The following NAV2 variants were observed in gnomAD, a reference collection of about 807,000 sequenced individuals.
NAV2 encodes neuron navigator 2.
Under a neutral mutation model 223.2 loss-of-function variants are expected in NAV2, and 54 were observed. The observed-to-expected ratio is 0.24, with a 90% CI of 0.19 to 0.30. The LOEUF (loss-of-function observed/expected upper bound fraction) is 0.30, where lower values mean the gene tolerates loss of function less well. NAV2 is among the 10% of genes least tolerant of loss of function. The pLI is 1.00. For missense variants in NAV2, 2,806 were observed against 3,147.5 expected (o/e 0.89, Z 2.60); for synonymous variants, 1,279 against 1,239.3 (o/e 1.03, Z -0.67).
intron 1 of NAV2, among the ~76,000 whole-genome samples, chr11:19,376,958 A>C (rs942286932): frequency 6.6e-6 from 1 of 152,224 alleles, no homozygotes; most frequent in Admixed American, 6.5e-5. Flanking sequence ...TCAGTTGTCA[A>C]GAAAGTAGTA....
At chr11:19,869,934 C>T (rs79988378) in intron 4 of NAV2, among the ~76,000 whole-genome samples, 70 of 152,276 alleles carry the variant, frequency 4.6e-4, no homozygotes, top group African/African-American at 1.5e-3. Flanking sequence ...CTCTGCTACA[C>T]GGTGAAAGCT....
chr11:20,118,221 A>G lies in NAV2; in HGVS notation c.7253A>G (p.Asp2418Gly), dbSNP rs2063294789. 6.2e-7 allele frequency: 1 copy of G among 1,614,008 alleles called. No homozygotes were observed. The highest frequency in any genetic ancestry group is 2.2e-5 in the East Asian group (1 of 44,856). Residue 2418 changes from aspartate to glycine, a missense_variant, in exon 38 of 38, where the codon GAT becomes GGT. Physicochemically the swap from Asp to Gly is moderately conservative, Grantham distance 94. This residue lies in a region of NAV2 where 824 missense variants were observed against 1,069.4 expected (regional missense o/e 0.77). Transcript: ENST00000349880. ...DSDSNSNSHH[D>G]DILDSSLEST... is the part of the protein sequence containing the mutation. ...GACTCCAACAGCAACAGCCATCACG[A>G]TGACATCTTGGACTCCTCTTTGGAG...
chr11:19,397,498 A>G (rs1372080126), intron 1 of NAV2, among the ~76,000 whole-genome samples: 1 of 151,938 alleles, frequency 6.6e-6, no homozygotes, highest in African/African-American at 2.4e-5. Context: ...TAGCTTATCA[A>G]ACTGTCACAG....
At chr11:20,024,625 G>A (rs35645523) in intron 11 of NAV2, among the ~76,000 whole-genome samples, 20,855 of 152,228 alleles carry the variant, frequency 0.14, 2,093 homozygotes, top group African/African-American at 0.29. Context: ...AGGTCCCTTC[G>A]CTTTCCTCTT....
At chr11:19,767,499 A>G (rs1284439426) in intron 1 of NAV2, among the ~76,000 whole-genome samples, 2 of 152,244 alleles carry the variant, frequency 1.3e-5, no homozygotes, top group African/African-American at 4.8e-5. Context: ...ATGAGAGAAT[A>G]ATGAAAGTCC....
At chr11:19,515,051 G>A (rs528980904) in intron 1 of NAV2, among the ~76,000 whole-genome samples, 3 of 152,278 alleles carry the variant, frequency 2.0e-5, no homozygotes, top group South Asian at 2.1e-4. Context: ...TTTGGGTACC[G>A]GCTCTGAATA....
intron 1 of NAV2, among the ~76,000 whole-genome samples, chr11:19,755,031 C>T (rs958251657): frequency 2.6e-5 from 4 of 152,150 alleles, no homozygotes; most frequent in Non-Finnish European, 5.9e-5. Flanking sequence ...TTGTGTTAAT[C>T]GACAGGATCA....
Position 19,476,114 on chromosome 11 carries a change from A to G in NAV2, c.75+125087A>G, listed in dbSNP as rs189090192. ...CTCAGCCTCCCGAGTAGCTGGGACT[A>G]CAGGCACGCGCCACCATGTCCAGCT... On this transcript the variant is annotated intron_variant, in intron 1 of 37. Transcript: ENST00000360655. Among the ~76,000 whole-genome samples, 519 of 152,288 alleles carry G rather than the reference A, an allele frequency of 3.4e-3. 5 individuals are homozygous for G. Among genetic ancestry groups the G allele is most frequent in the Middle Eastern group, 0.027 (8 of 294 alleles).
intron 1 of NAV2, among the ~76,000 whole-genome samples, chr11:19,817,455 G>C (rs2059146613): frequency 6.6e-6 from 1 of 152,178 alleles, no homozygotes; most frequent in Non-Finnish European, 1.5e-5. Flanking sequence ...CCCCAAGTCA[G>C]GCAGAGACAG....
chr11:19,791,347 C>T (rs1002245520), intron 1 of NAV2, among the ~76,000 whole-genome samples: 4 of 152,172 alleles, frequency 2.6e-5, no homozygotes, highest in African/African-American at 4.8e-5. Context: ...CTATCCAGCC[C>T]GCCCCTTGTA....
intron 1 of NAV2, among the ~76,000 whole-genome samples, chr11:19,614,475 A>G (rs1386324124): frequency 1.3e-5 from 2 of 150,844 alleles, no homozygotes; most frequent in African/African-American, 5.0e-5. Context: ...GAGCAGAAGT[A>G]CAGAGAATTC....
intron 11 of NAV2, among the ~76,000 whole-genome samples, chr11:20,020,775 C>G (rs2054434586): frequency 6.6e-6 from 1 of 152,166 alleles, no homozygotes; most frequent in African/African-American, 2.4e-5. Context: ...CTCTCTCCCT[C>G]AGAGTAAAAG....
chr11:19,666,568 T>C (rs1003446533), intron 1 of NAV2, among the ~76,000 whole-genome samples: 3 of 152,152 alleles, frequency 2.0e-5, no homozygotes, highest in African/African-American at 7.2e-5. Context: ...CCCAGACAGA[T>C]TGTGGAGCTT....
intron 1 of NAV2, among the ~76,000 whole-genome samples, chr11:19,621,678 C>G (rs1359052727): frequency 6.6e-6 from 1 of 151,992 alleles, no homozygotes; most frequent in Non-Finnish European, 1.5e-5. Flanking sequence ...AGCGGTCTAT[C>G]AATTTTGTTG....
intron 11 of NAV2, among the ~76,000 whole-genome samples, chr11:20,032,377 A>G (rs949768804): frequency 6.6e-6 from 1 of 152,320 alleles, no homozygotes; most frequent in Admixed American, 6.5e-5. Context: ...CCTGTGTATC[A>G]AGGGCCACAT....
At chr11:19,355,804 C>A (rs1444091924) in intron 1 of NAV2, among the ~76,000 whole-genome samples, 1 of 152,194 alleles carries the variant, frequency 6.6e-6, no homozygotes, top group African/African-American at 2.4e-5. Context: ...CAAGTCAGGG[C>A]TGCATGCCAC....
intron 14 of NAV2, 31 bp downstream of exon 14, chr11:20,045,701 A>G: frequency 6.5e-7 from 1 of 1,538,970 alleles, no homozygotes; most frequent in South Asian, 1.1e-5. Flanking sequence ...TGCAGAGCAG[A>G]ACCAGAATAC....
intron 1 of NAV2, among the ~76,000 whole-genome samples, chr11:19,829,221 C>T (rs2059805543): frequency 6.6e-6 from 1 of 152,186 alleles, no homozygotes; most frequent in Non-Finnish European, 1.5e-5. Flanking sequence ...TGGTCCCTCC[C>T]ACGTGGCTGA....
chr11:19,676,536 A>G (rs1225329190), intron 1 of NAV2, among the ~76,000 whole-genome samples: 2 of 152,236 alleles, frequency 1.3e-5, no homozygotes, highest in Non-Finnish European at 1.5e-5. Context: ...CAAGGAAACC[A>G]TAGCAACCAG....
Sources: gnomAD v4.1 joint callset for allele counts (sites outside exome capture counted in the v4.1 genomes callset) on GRCh38, gnomAD v4.1.1 for gene constraint, gnomAD v4.1.1 regional missense constraint, MANE v1.5 for transcripts, NCBI Gene and HGNC (gene_info 2026-07-23, HGNC 2026-07-21) for gene names.